Variants in KIAA1958 observed in about 807,000 individuals in gnomAD.
KIAA1958 encodes KIAA1958, also known as uncharacterized protein KIAA1958.
A neutral mutation model predicts 47.2 loss-of-function variants in KIAA1958; 14 were observed. The ratio of observed to expected loss-of-function variants is 0.30; its 90% CI spans 0.20 to 0.46. The LOEUF is 0.46. Among genes scored for constraint, KIAA1958 ranks in the 20% least tolerant of loss-of-function variants. The pLI is 1.00. For synonymous variants in KIAA1958, 354 were observed against 353.3 expected, an observed-to-expected ratio of 1.00 and a Z score of -0.02; for missense variants, 803 against 909.2, an observed-to-expected ratio of 0.88 and a Z score of 1.50.
At chr9:112,551,363 A>G (rs902592655) in intron 1 of KIAA1958, among the ~76,000 whole-genome samples, 9 of 152,222 alleles carry the variant, frequency 5.9e-5, no homozygotes, top group Non-Finnish European at 1.3e-4. Flanking sequence ...AAGTGGAATC[A>G]TACGGGATTT....
At chr9:112,529,228 G>A (rs778867567) in intron 1 of KIAA1958, among the ~76,000 whole-genome samples, 7 of 152,004 alleles carry the variant, frequency 4.6e-5, no homozygotes, top group Non-Finnish European at 7.4e-5. Context: ...TTGTATATAG[G>A]CTTTAATTTC....
intron 1 of KIAA1958, among the ~76,000 whole-genome samples, chr9:112,556,127 A>G (rs1312119969): frequency 2.0e-5 from 3 of 152,242 alleles, no homozygotes; most frequent in African/African-American, 4.8e-5. Context: ...ATTAGTTTCA[A>G]CGTGAATTTT....
At chr9:112,627,681 G>A (rs979684003) in intron 2 of KIAA1958, among the ~76,000 whole-genome samples, 23 of 152,208 alleles carry the variant, frequency 1.5e-4, no homozygotes, top group Admixed American at 1.4e-3. Context: ...TTGAGCCTGG[G>A]AGGTGGAGGT....
At chr9:112,518,807 C>CAT (rs1159982825) in intron 1 of KIAA1958, among the ~76,000 whole-genome samples, 1 of 150,268 alleles carries the variant, frequency 6.7e-6, no homozygotes, top group East Asian at 1.9e-4. Context: ...CAAGTTTGGA[C>CAT]ATATAACAGT....
chr9:112,523,154 TAC>T (rs1164466465), intron 1 of KIAA1958, among the ~76,000 whole-genome samples: 2 of 152,210 alleles, frequency 1.3e-5, no homozygotes, highest in African/African-American at 4.8e-5. Flanking sequence ...GAAGTGGTAT[TAC>T]ATTCAAATGC....
chr9:112,518,664 G>T (rs939292667), intron 1 of KIAA1958, among the ~76,000 whole-genome samples: 1 of 152,108 alleles, frequency 6.6e-6, no homozygotes. Flanking sequence ...TGGTTTCATG[G>T]CTATTTATTA....
intron 1 of KIAA1958, among the ~76,000 whole-genome samples, chr9:112,506,214 T>G (rs1834232690): frequency 6.6e-6 from 1 of 152,156 alleles, no homozygotes. Context: ...CCCAGCACTT[T>G]GGGAGGCCGA....
At chr9:112,542,408 A>G (rs1373940073) in intron 1 of KIAA1958, among the ~76,000 whole-genome samples, 1 of 152,182 alleles carries the variant, frequency 6.6e-6, no homozygotes, top group African/African-American at 2.4e-5. Flanking sequence ...ATTCATAAAG[A>G]GGATATATTC....
chr9:112,519,472 A>C (rs10120395), intron 1 of KIAA1958, among the ~76,000 whole-genome samples: 144,017 of 152,248 alleles, frequency 0.95, 68,165 homozygotes, highest in South Asian at 0.98. Flanking sequence ...ATTTAAATAT[A>C]ATTTTACAGT....
Position 112,512,986 on chromosome 9 carries a change from C to T in KIAA1958, c.-25+25868C>T, listed in dbSNP as rs529409989. On this transcript the variant is annotated intron_variant, in intron 1 of 3. Transcript: ENST00000337530. ...CTGAGTAGCTGGGATTACAGGCGCCCGCCACCATGCCCAGCTAATTTTTTT... is the reference window on the plus strand; with the variant it reads ...CTGAGTAGCTGGGATTACAGGCGCCTGCCACCATGCCCAGCTAATTTTTTT... Among the ~76,000 whole-genome samples the T allele has an allele frequency of 5.4e-5, 8 of 149,302 alleles. No homozygotes were observed. The East Asian group carries it at 9.9e-4, about 19-fold the overall frequency.
At chr9:112,608,779 C>T (rs1449647693) in intron 2 of KIAA1958, among the ~76,000 whole-genome samples, 1 of 151,994 alleles carries the variant, frequency 6.6e-6, no homozygotes. Context: ...TGGCATGCAC[C>T]TGTAGTCCCA....
At position 112,577,167 on chromosome 9, in the gene KIAA1958, C is replaced by T. The variant is rs367840601; in HGVS notation, c.1171+1916C>T. Reference sequence around the variant, plus strand: ...TATTTTCTTTTGAGAAATATCTACTCAAATCTTTTGGCCATTTTAAAATTG... The same window carrying T: ...TATTTTCTTTTGAGAAATATCTACTTAAATCTTTTGGCCATTTTAAAATTG... On this transcript the variant is annotated intron_variant, in intron 2 of 3. Coordinates refer to ENST00000337530, the MANE Select transcript of KIAA1958 (RefSeq NM_133465.4). Among the ~76,000 whole-genome samples the T allele has an allele frequency of 4.6e-5, 7 of 152,090 alleles. No homozygotes were observed. In the South Asian group the frequency reaches 1.5e-3, roughly 32 times the overall value.
chr9:112,613,953 C>T (rs552844243), intron 2 of KIAA1958, among the ~76,000 whole-genome samples: 1 of 152,182 alleles, frequency 6.6e-6, no homozygotes, highest in Admixed American at 6.5e-5. Context: ...CCAAAAGGCA[C>T]CCACTAGAAT....
intron 1 of KIAA1958, among the ~76,000 whole-genome samples, chr9:112,559,262 CA>C: frequency 6.6e-6 from 1 of 152,234 alleles, no homozygotes; most frequent in East Asian, 1.9e-4. Flanking sequence ...GTCTGATAAC[CA>C]GATCCACAGG....
chr9:112,533,122 A>G (rs1834780623), intron 1 of KIAA1958, among the ~76,000 whole-genome samples: 1 of 152,084 alleles, frequency 6.6e-6, no homozygotes, highest in African/African-American at 2.4e-5. Flanking sequence ...TATAATCTGC[A>G]TTTTCACTCA....
In KIAA1958 at chr9:112,628,553, C is replaced by CA. The variant is rs1425083083; in HGVS notation, c.1172-17096dup. Among the ~76,000 whole-genome samples the CA allele has an allele frequency of 4.6e-5, 7 of 152,208 alleles. No homozygotes were observed. The East Asian group carries it at 1.2e-3, about 25-fold the overall frequency. On this transcript the variant is annotated intron_variant, in intron 2 of 3. Transcript: ENST00000337530. Reference sequence around the variant, plus strand: ...ACACAAAATTATTTCTTGATTCCTACATCAGAGGTTTTCAGGCAGAGCCTT... The same window carrying CA: ...ACACAAAATTATTTCTTGATTCCTACAATCAGAGGTTTTCAGGCAGAGCCTT...
intron 2 of KIAA1958, among the ~76,000 whole-genome samples, chr9:112,596,236 C>T (rs1274938920): frequency 6.6e-6 from 1 of 152,132 alleles, no homozygotes; most frequent in African/African-American, 2.4e-5. Context: ...AATAATACCT[C>T]TTATTCTAGA....
intron 1 of KIAA1958, among the ~76,000 whole-genome samples, chr9:112,487,975 T>TGTGTGTG: frequency 1.1e-5 from 1 of 93,398 alleles, no homozygotes; most frequent in Admixed American, 1.2e-4. Flanking sequence ...GTGTGTGTGT[T>TGTGTGTG]TTGAAGTTTA....
chr9:112,652,863 C>G (rs1430630399), intron 3 of KIAA1958, among the ~76,000 whole-genome samples: 3 of 152,180 alleles, frequency 2.0e-5, no homozygotes, highest in Admixed American at 6.5e-5. Flanking sequence ...AAGCAATCCG[C>G]CCACCTTAGT....
Sources: gnomAD v4.1 joint callset for allele counts (sites outside exome capture counted in the v4.1 genomes callset) on GRCh38, gnomAD v4.1.1 for gene constraint, MANE v1.5 for transcripts, NCBI Gene and HGNC (gene_info 2026-07-23, HGNC 2026-07-21) for gene names.